Variants in FGFR3 observed in about 807,000 individuals in gnomAD.
The protein encoded by FGFR3 is FGFR-3.
In FGFR3, 25 loss-of-function variants were observed where a neutral mutation model predicts 82.9. The ratio of observed to expected loss-of-function variants is 0.30; its 90% CI spans 0.22 to 0.42. FGFR3 has a LOEUF of 0.42. Ranked by LOEUF, FGFR3 falls within the 10% of genes least tolerant of loss-of-function variation. FGFR3 has a pLI of 1.00. For synonymous variants in FGFR3, 620 were observed against 516.0 expected (o/e 1.20, Z -2.73); for missense variants, 1,026 against 1,161.0 (o/e 0.88, Z 1.69).
chr4:1,800,304 A>C (rs1363384809), intron 4 of FGFR3, among the ~76,000 whole-genome samples: 1 of 151,690 alleles, frequency 6.6e-6, no homozygotes, highest in African/African-American at 2.4e-5. Flanking sequence ...GTCGGGGACG[A>C]TGCCTGGCGT....
At chr4:1,806,470 G>A (rs2108810573) in intron 15 of FGFR3, 76 bp from the exon 16 acceptor site, 1 of 1,610,480 alleles carries the variant, frequency 6.2e-7, no homozygotes, top group Non-Finnish European at 8.5e-7. Context: ...GCGCAGCCCT[G>A]GCCTATTCCC....
Position 1,804,592 on chromosome 4 carries a change from G to A in FGFR3, c.1266+72G>A, listed in dbSNP as rs983825070. Reference sequence around the variant, plus strand: ...CTCCTGGAGCCCCACCTCGGCCCACGCTGGTCCTGGGCTGTGTGAGCCCTC... The same window carrying A: ...CTCCTGGAGCCCCACCTCGGCCCACACTGGTCCTGGGCTGTGTGAGCCCTC... On this transcript the variant is annotated intron_variant, in intron 9 of 17. Coordinates refer to ENST00000440486, the MANE Select transcript of FGFR3 (RefSeq NM_000142.5). The A allele has an allele frequency of 7.6e-5, 121 of 1,584,388 alleles. No homozygotes were observed. The African/African-American group carries it at 1.4e-3, about 18-fold the overall frequency.
rs2108751811 is a variant in FGFR3, at chr4:1,793,945, C to T, written c.11C>T (p.Pro4Leu). 1 of 1,331,050 alleles carries T rather than the reference C, an allele frequency of 7.5e-7. No individual in the cohort carries two copies. Among genetic ancestry groups the T allele is most frequent in the Non-Finnish European group, 9.7e-7 (1 of 1,028,298 alleles). 82.5% of individuals were successfully genotyped at this position (1,331,050 alleles called of 1,614,324 possible). A position where few individuals can be genotyped will look rare whatever the true frequency, so the allele number is the denominator to read the frequency against. Residue 4 changes from proline (P) to leucine (L), a missense_variant, in exon 2 of 18, where the codon CCT (proline) becomes CTT (leucine). By Grantham distance (98) the Pro-to-Leu change is moderately conservative. Coordinates refer to ENST00000440486, the MANE Select transcript of FGFR3 (RefSeq NM_000142.5). MGA[P>L]ACALALCVAV... ...GCCCCCGCCCCCGCCATGGGCGCCC[C>T]TGCCTGCGCCCTCGCGCTCTGCGTG...
At position 1,806,876 on chromosome 4, in the gene FGFR3, C is replaced by T. The variant is rs1197312212; in HGVS notation, c.2216C>T (p.Pro739Leu). The change falls in exon 17 of 18, where the codon CCC (proline) becomes CTC (leucine). Residue 739 changes from proline (P) to leucine (L), a missense_variant. By Grantham distance (98) the Pro-to-Leu change is moderately conservative (BLOSUM62 -3). Around this residue, in one of 9 missense-constraint regions of FGFR3, gnomAD observed 155 missense variants for 150.2 expected, o/e 1.03. Transcript: ENST00000440486. ...TGGCATGCCGCGCCCTCCCAGAGGCCCACCTTCAAGCAGCTGGTGGAGGAC... is the reference window on the plus strand; with the variant it reads ...TGGCATGCCGCGCCCTCCCAGAGGCTCACCTTCAAGCAGCTGGTGGAGGAC... Reference protein sequence around the residue: ...ECWHAAPSQRPTFKQLVEDLD... With the variant: ...ECWHAAPSQRLTFKQLVEDLD... 2 of 1,611,786 alleles carry T rather than the reference C, an allele frequency of 1.2e-6. No homozygotes were observed. Among genetic ancestry groups the T allele is most frequent in the Non-Finnish European group, 1.7e-6 (2 of 1,179,598 alleles).
At position 1,806,700 on chromosome 4, in the gene FGFR3, G is replaced by A. The variant is rs1475216203; in HGVS notation, c.2168+17G>A. 22 of 1,605,640 alleles carry A rather than the reference G, an allele frequency of 1.4e-5. No individual in the cohort carries two copies. The highest frequency in any genetic ancestry group is 1.8e-5 in the Non-Finnish European group (21 of 1,177,590). ...ACACGACCTGTGAGTGGCATCCCTG[G>A]CCCTCCACTGGGTCCTCAGGGGTGG... On this transcript the variant is annotated intron_variant, in intron 16 of 17. Coordinates refer to ENST00000440486, the MANE Select transcript of FGFR3 (RefSeq NM_000142.5).
At chr4:1,798,085 A>G (rs1720729099) in intron 2 of FGFR3, among the ~76,000 whole-genome samples, 1 of 151,778 alleles carries the variant, frequency 6.6e-6, no homozygotes, top group Non-Finnish European at 1.5e-5. Context: ...CTGGCAGGGA[A>G]GCCTAGGGGC....
Position 1,801,762 on chromosome 4 carries a change from C to A in FGFR3, c.739+19C>A, listed in dbSNP as rs748758679. Reference sequence around the variant, plus strand: ...GTGCTGGGTGAGGGCCCTGGGGCGGCGCGGGGGTGGGGGCGGCAGTGGCGG... The same window carrying A: ...GTGCTGGGTGAGGGCCCTGGGGCGGAGCGGGGGTGGGGGCGGCAGTGGCGG... On this transcript the variant is annotated intron_variant, in intron 6 of 17. Coordinates refer to ENST00000440486, the MANE Select transcript of FGFR3 (RefSeq NM_000142.5). 6.5e-7 allele frequency: 1 copy of A among 1,548,476 alleles called. No individual in the cohort carries two copies. Among genetic ancestry groups the A allele is most frequent in the Non-Finnish European group, 8.8e-7 (1 of 1,135,578 alleles).
chr4:1,806,720 G>A (rs1721968613), intron 16 of FGFR3, 37 bp downstream of exon 16: 1 of 1,610,124 alleles, frequency 6.2e-7, no homozygotes, highest in Non-Finnish European at 8.5e-7. Context: ...GGGTCCTCAG[G>A]GGTGGGGGTC....
chr4:1,794,152 C>CA, intron 2 of FGFR3, 109 bp downstream of exon 2: 1 of 527,792 alleles, frequency 1.9e-6, no homozygotes, highest in South Asian at 6.1e-5. Flanking sequence ...AGTGACGCCC[C>CA]GGGGTTAGAG....
At chr4:1,806,767 T>G in intron 16 of FGFR3, 62 bp from the exon 17 acceptor site, 1 of 1,593,266 alleles carries the variant, frequency 6.3e-7, no homozygotes, top group Middle Eastern at 2.0e-4. Context: ...TGGCAGCCCT[T>G]CAGGCTGTTC....
At position 1,803,058 on chromosome 4, in the gene FGFR3, C is replaced by T. The variant is rs755547723; in HGVS notation, c.931-634C>T. ...CTTTTGGCTGAGCGTTCACGGGCCCCGAGCAGGTAACGACTCTGTCCCATG... is the reference window on the plus strand; with the variant it reads ...CTTTTGGCTGAGCGTTCACGGGCCCTGAGCAGGTAACGACTCTGTCCCATG... On this transcript the variant is annotated intron_variant, in intron 7 of 17. Transcript: ENST00000440486. 20 of 1,594,588 alleles carry T rather than the reference C, an allele frequency of 1.3e-5. No homozygotes were observed. Among genetic ancestry groups the T allele is most frequent in the Admixed American group, 6.9e-5 (4 of 57,866 alleles).
In FGFR3 at chr4:1,801,602, G is replaced by T; in HGVS notation, c.616-18G>T. 1 of 1,600,066 alleles carries T rather than the reference G, an allele frequency of 6.2e-7. No homozygotes were observed. On this transcript the variant is annotated intron_variant, in intron 5 of 17. Coordinates refer to ENST00000440486, the MANE Select transcript of FGFR3 (RefSeq NM_000142.5). ...GGTTGCTGCCTCCGCTCACTCACCC[G>T]CCCGCGTCCCGGTGCAGCTGCGGCA...
chr4:1,798,044 C>G (rs960946843), intron 2 of FGFR3, among the ~76,000 whole-genome samples: 2 of 151,368 alleles, frequency 1.3e-5, no homozygotes. Flanking sequence ...GCCCCAAGCC[C>G]GGGACGCCTG....
At position 1,799,730 on chromosome 4, in the gene FGFR3, C is replaced by A. The variant is rs374939658; in HGVS notation, c.380-17C>A. On this transcript the variant is annotated splice_polypyrimidine_tract_variant and intron_variant, in intron 3 of 17. Coordinates refer to ENST00000440486, the MANE Select transcript of FGFR3 (RefSeq NM_000142.5). The stretch of plus-strand genomic sequence containing the variant: ...GGGGCAGGTTGGGCATTGGTTGCGG[C>A]CATCTCTGCCTTGCAGACGCTCCAT... 1 of 1,612,614 alleles carries A rather than the reference C, an allele frequency of 6.2e-7. No homozygotes were observed. Among genetic ancestry groups the A allele is most frequent in the Middle Eastern group, 1.7e-4 (1 of 6,060 alleles).
intron 11 of FGFR3, 30 bp from the exon 12 acceptor site, chr4:1,805,529 C>T: frequency 6.2e-7 from 1 of 1,612,710 alleles, no homozygotes; most frequent in Admixed American, 1.7e-5. Flanking sequence ...GCCGCCGCCG[C>T]CTGACACAGG....
At chr4:1,805,315 C>T (rs370933896) in intron 10 of FGFR3, 40 bp from the exon 11 acceptor site, 281 of 1,606,286 alleles carry the variant, frequency 1.7e-4, no homozygotes, top group African/African-American at 4.8e-4. Context: ...TGAGAGTGGG[C>T]GAGTTTGCAC....
rs1053654011 is a variant in FGFR3 at position 1,806,633 on chromosome 4, G to C, written c.2118G>C (p.Leu706=). 6.2e-7 allele frequency: 1 copy of C among 1,613,120 alleles called. No individual in the cohort carries two copies. The highest frequency in any genetic ancestry group is 8.5e-7 in the Non-Finnish European group (1 of 1,179,948). Reference sequence around the variant, plus strand: ...TCCCTGTGGAGGAGCTCTTCAAGCTGCTGAAGGAGGGCCACCGCATGGACA... The same window carrying C: ...TCCCTGTGGAGGAGCTCTTCAAGCTCCTGAAGGAGGGCCACCGCATGGACA... ...PGIPVEELFK[L]LKEGHRMDKP... Residue 706 remains leucine (L), a synonymous_variant, in exon 16 of 18, where the codon CTG becomes CTC. Coordinates refer to ENST00000440486, the MANE Select transcript of FGFR3 (RefSeq NM_000142.5).
intron 2 of FGFR3, among the ~76,000 whole-genome samples, chr4:1,796,252 A>G (rs2108760973): frequency 6.6e-6 from 1 of 152,240 alleles, no homozygotes; most frequent in South Asian, 2.1e-4. Context: ...CCTGTCCAAG[A>G]GAACCGATAA....
intron 2 of FGFR3, among the ~76,000 whole-genome samples, chr4:1,795,447 C>G (rs1720385467): frequency 6.6e-6 from 1 of 151,998 alleles, no homozygotes; most frequent in Non-Finnish European, 1.5e-5. Context: ...GGGCGGCGCC[C>G]CCGCCCGCAC....
Sources: gnomAD v4.1 joint callset for allele counts (sites outside exome capture counted in the v4.1 genomes callset) on GRCh38, gnomAD v4.1.1 for gene constraint, gnomAD v4.1.1 regional missense constraint, MANE v1.5 for transcripts, NCBI Gene and HGNC (gene_info 2026-07-23, HGNC 2026-07-21) for gene names.